Variants in LRRTM4 observed in about 807,000 individuals in gnomAD.
LRRTM4 encodes leucine-rich repeat transmembrane neuronal protein 4.
LRRTM4 carries 25 observed loss-of-function variants against 47.6 expected under a neutral mutation model. The observed-to-expected ratio is 0.53, with a 90% confidence interval of 0.38 to 0.73. LRRTM4 has a LOEUF of 0.73. LRRTM4 is among the 30% of genes least tolerant of loss of function. The pLI is 0.00. For missense variants in LRRTM4, 638 were observed against 713.4 expected, an observed-to-expected ratio of 0.89 and a Z score of 1.20; for synonymous variants, 311 against 269.5, an observed-to-expected ratio of 1.15 and a Z score of -1.51.
chr2:76,921,416 T>C (rs1674428933), intron 3 of LRRTM4, among the ~76,000 whole-genome samples: 1 of 152,090 alleles, frequency 6.6e-6, no homozygotes, highest in African/African-American at 2.4e-5. Flanking sequence ...GAGGTAATGT[T>C]TGACAGATTT....
intron 3 of LRRTM4, among the ~76,000 whole-genome samples, chr2:77,422,634 A>G (rs897528664): frequency 6.6e-6 from 1 of 152,208 alleles, no homozygotes; most frequent in African/African-American, 2.4e-5. Context: ...ATATTTGACT[A>G]TGATATTGAG....
chr2:76,885,501 C>T (rs958889022), intron 3 of LRRTM4, among the ~76,000 whole-genome samples: 42 of 141,096 alleles, frequency 3.0e-4, no homozygotes, highest in Non-Finnish European at 4.5e-4. Context: ...CTCGCTCTGT[C>T]GCCCAGGCTG....
At chr2:77,397,117 G>A (rs17014058) in intron 3 of LRRTM4, among the ~76,000 whole-genome samples, 1 of 151,802 alleles carries the variant, frequency 6.6e-6, no homozygotes, top group Non-Finnish European at 1.5e-5. Context: ...GTGTTTCTCA[G>A]ATTTCTTTTT....
At chr2:77,260,358 A>G (rs1415728950) in intron 3 of LRRTM4, among the ~76,000 whole-genome samples, 1 of 147,182 alleles carries the variant, frequency 6.8e-6, no homozygotes, top group Non-Finnish European at 1.5e-5. Flanking sequence ...AGAAATTGGA[A>G]GTACTACCAA....
rs76238536 is a variant in LRRTM4, at chr2:77,436,299, G to C, written c.1551+82019C>G. ...CAATACTAAACATGACATATACCTTGAACGTCTAGCAATGCTAAGCTAATG... is the reference window on the plus strand; with the variant it reads ...CAATACTAAACATGACATATACCTTCAACGTCTAGCAATGCTAAGCTAATG... On this transcript the variant is annotated intron_variant, in intron 3 of 3. Coordinates refer to ENST00000409884, the MANE Select transcript of LRRTM4 (RefSeq NM_001134745.3). Among the ~76,000 whole-genome samples, 525 of 152,118 alleles carry C rather than the reference G, an allele frequency of 3.5e-3. 4 individuals carry two copies. The highest frequency in any genetic ancestry group is 0.017 in the Middle Eastern group (5 of 294).
intron 3 of LRRTM4, among the ~76,000 whole-genome samples, chr2:76,970,715 G>T (rs906621489): frequency 1.3e-4 from 20 of 151,992 alleles, no homozygotes; most frequent in Non-Finnish European, 2.4e-4. Context: ...TCACAACCTA[G>T]AGCTGTAGCA....
intron 3 of LRRTM4, among the ~76,000 whole-genome samples, chr2:76,903,105 C>T (rs1248738135): frequency 6.6e-6 from 1 of 152,174 alleles, no homozygotes; most frequent in African/African-American, 2.4e-5. Context: ...GGCACAGTGG[C>T]TCGTGCCTGT....
At chr2:76,876,438 T>A (rs1672781423) in intron 3 of LRRTM4, among the ~76,000 whole-genome samples, 3 of 152,092 alleles carry the variant, frequency 2.0e-5, no homozygotes, top group Admixed American at 2.0e-4. Context: ...TACTGAAGTA[T>A]CTCTATTAAG....
At chr2:77,293,145 T>C (rs1676876299) in intron 3 of LRRTM4, among the ~76,000 whole-genome samples, 1 of 152,028 alleles carries the variant, frequency 6.6e-6, no homozygotes, top group African/African-American at 2.4e-5. Context: ...AATGAAAATG[T>C]ATAATCGGGA....
At chr2:76,831,306 T>G (rs1047632092) in intron 3 of LRRTM4, among the ~76,000 whole-genome samples, 3 of 152,166 alleles carry the variant, frequency 2.0e-5, no homozygotes, top group South Asian at 2.1e-4. Flanking sequence ...AATTTGATAT[T>G]TCTGCTCTGT....
intron 3 of LRRTM4, among the ~76,000 whole-genome samples, chr2:76,989,474 A>G (rs912395687): frequency 3.3e-5 from 5 of 152,016 alleles, no homozygotes; most frequent in Admixed American, 3.3e-4. Flanking sequence ...AAGATTGCAT[A>G]TGTTGGATAT....
At chr2:76,886,012 TAA>T (rs1325663090) in intron 3 of LRRTM4, among the ~76,000 whole-genome samples, 2 of 152,128 alleles carry the variant, frequency 1.3e-5, no homozygotes, top group African/African-American at 2.4e-5. Flanking sequence ...ATAAGAAATA[TAA>T]CTCATTTCTA....
At chr2:76,821,519 G>C (rs150685034) in intron 3 of LRRTM4, among the ~76,000 whole-genome samples, 1 of 151,550 alleles carries the variant, frequency 6.6e-6, no homozygotes, top group Non-Finnish European at 1.5e-5. Flanking sequence ...ACTCCTGGGC[G>C]TAAAAATGTA....
At chr2:77,245,393 A>G (rs1000506650) in intron 3 of LRRTM4, among the ~76,000 whole-genome samples, 1 of 151,772 alleles carries the variant, frequency 6.6e-6, no homozygotes, top group Non-Finnish European at 1.5e-5. Context: ...CAAAAAATAA[A>G]AAACAAAACA....
intron 3 of LRRTM4, among the ~76,000 whole-genome samples, chr2:77,052,759 T>C (rs1482843443): frequency 6.6e-6 from 1 of 152,082 alleles, no homozygotes; most frequent in Non-Finnish European, 1.5e-5. Flanking sequence ...TGAAAGTTTC[T>C]ATTGATTTTC....
intron 3 of LRRTM4, among the ~76,000 whole-genome samples, chr2:77,242,398 G>A (rs62160520): frequency 0.014 from 2,072 of 152,112 alleles, 15 homozygotes; most frequent in Admixed American, 0.025. Flanking sequence ...CAAATGGGAG[G>A]ACATGTTCAC....
At chr2:76,932,525 G>A (rs972584156) in intron 3 of LRRTM4, among the ~76,000 whole-genome samples, 12 of 151,930 alleles carry the variant, frequency 7.9e-5, no homozygotes, top group Admixed American at 4.6e-4. Context: ...GGAAGAAGAC[G>A]GTACGCCCTT....
At chr2:77,446,831 T>C (rs537652607) in intron 3 of LRRTM4, among the ~76,000 whole-genome samples, 42 of 152,212 alleles carry the variant, frequency 2.8e-4, no homozygotes, top group Non-Finnish European at 4.6e-4. Context: ...CCTCTACTAG[T>C]ATAAGAAAGT....
intron 3 of LRRTM4, among the ~76,000 whole-genome samples, chr2:77,157,746 C>T (rs1672598177): frequency 6.6e-6 from 1 of 151,962 alleles, no homozygotes; most frequent in South Asian, 2.1e-4. Context: ...GAAGAAAACC[C>T]CACCACTTGA....
Sources: allele counts gnomAD v4.1 joint callset (sites outside exome capture counted in the v4.1 genomes callset), GRCh38; gene constraint gnomAD v4.1.1; transcripts MANE v1.5; gene names NCBI Gene and HGNC (gene_info 2026-07-23, HGNC 2026-07-21).